CARMIL3: variants seen among roughly 807,000 people sequenced by gnomAD.
CARMIL3 encodes the protein capping protein, Arp2/3 and myosin-I linker protein 3.
A neutral mutation model predicts 180.8 loss-of-function variants in CARMIL3; 88 were observed. That is an observed-to-expected ratio of 0.49 (90% CI 0.41 to 0.58). The LOEUF is 0.58. Among genes scored for constraint, CARMIL3 ranks in the 20% least tolerant of loss-of-function variants. The probability of loss-of-function intolerance (pLI) is 0.00; values close to 1 mark genes in which losing one functional copy is unlikely to be tolerated. For missense variants in CARMIL3, 1,548 were observed against 1,787.0 expected (o/e 0.87, Z 2.41); for synonymous variants, 696 against 714.5 (o/e 0.97, Z 0.41).
rs2035736808 is a variant in CARMIL3 at position 24,061,885 on chromosome 14, G to C, written c.2480+213G>C. On this transcript the variant is annotated intron_variant, in intron 27 of 39. Coordinates refer to ENST00000342740, the MANE Select transcript of CARMIL3 (RefSeq NM_138360.4). This position sits in a 1 kb window ranked among gnomAD's most constrained non-coding sequence, Gnocchi z 4.1. ...GAGCTGGGGTTTAGGAGCCAAGTTT[G>C]TGCCCACACAGGTGTACACACACAT... The C allele has an allele frequency of 1.7e-6, 1 of 582,882 alleles. No individual in the cohort carries two copies. The highest frequency in any genetic ancestry group is 1.9e-5 in the African/African-American group (1 of 53,288). 36.1% of individuals were successfully genotyped at this position (582,882 alleles called of 1,614,324 possible). A position where few individuals can be genotyped will look rare whatever the true frequency, so the allele number is the denominator to read the frequency against.
chr14:24,059,003 A>G lies in CARMIL3; in HGVS notation c.1571+17A>G. The stretch of plus-strand genomic sequence containing the variant: ...CAAGGCCAAGTGAGGCCCCCTTTCC[A>G]TGCCCACAGACCCTCATCCCATCAT... On this transcript the variant is annotated intron_variant, in intron 19 of 39. Transcript: ENST00000342740. The surrounding 1 kb of genome is among the most constrained non-coding windows in gnomAD (Gnocchi z 6.3). 1 of 1,613,290 alleles carries G rather than the reference A, an allele frequency of 6.2e-7. No homozygotes were observed. Among genetic ancestry groups the G allele is most frequent in the South Asian group, 1.1e-5 (1 of 90,964 alleles).
intron 24 of CARMIL3, 63 bp downstream of exon 24, chr14:24,060,318 T>C: frequency 6.4e-7 from 1 of 1,567,902 alleles, no homozygotes; most frequent in Non-Finnish European, 8.8e-7. Flanking sequence ...TGTGATGTGA[T>C]GGAAAATTGA....
chr14:24,056,796 C>T, intron 12 of CARMIL3, 88 bp downstream of exon 12: 1 of 1,514,880 alleles, frequency 6.6e-7, no homozygotes, highest in Non-Finnish European at 9.1e-7. Context: ...CACATTCACA[C>T]ACCACCTCAG....
intron 36 of CARMIL3, 59 bp downstream of exon 36, chr14:24,066,715 C>A: frequency 2.5e-6 from 4 of 1,571,738 alleles, no homozygotes; most frequent in Non-Finnish European, 3.5e-6. Context: ...TCCAAAGAAA[C>A]AGAAGCCCAT....
intron 27 of CARMIL3, 49 bp from the exon 28 acceptor site, chr14:24,062,431 C>A: frequency 6.6e-7 from 1 of 1,519,468 alleles, no homozygotes; most frequent in Non-Finnish European, 9.1e-7. Flanking sequence ...AGGGGCCATG[C>A]GGGGGACTGA....
In CARMIL3 at chr14:24,065,177, C is replaced by T. The variant is rs753535704; in HGVS notation, c.3300C>T (p.Leu1100=). Residue 1100 remains leucine (L), a synonymous_variant, in exon 33 of 40, where the codon CTC becomes CTT. Transcript: ENST00000342740. Reference sequence around the variant, plus strand: ...CCCCTAGCCCAGACCCCCCAAGCCTCGGCAATAACTCCTCTCCCTGCTGGA... The same window carrying T: ...CCCCTAGCCCAGACCCCCCAAGCCTTGGCAATAACTCCTCTCCCTGCTGGA... The part of the protein sequence containing the change: ...ESPPSPDPPS[L]GNNSSPCWSP... 6 of 1,523,218 alleles carry T rather than the reference C, an allele frequency of 3.9e-6. No individual in the cohort carries two copies. Among genetic ancestry groups the T allele is most frequent in the South Asian group, 1.3e-5 (1 of 75,850 alleles). 94.4% of individuals were successfully genotyped at this position (1,523,218 alleles called of 1,614,324 possible).
chr14:24,058,353 C>A lies in CARMIL3; in HGVS notation c.1392+129C>A. The A allele has an allele frequency of 1.1e-6, 1 of 933,290 alleles. No homozygotes were observed. Among genetic ancestry groups the A allele is most frequent in the Non-Finnish European group, 1.6e-6 (1 of 616,072 alleles). 57.8% of individuals were successfully genotyped at this position (933,290 alleles called of 1,614,324 possible). On this transcript the variant is annotated intron_variant, in intron 17 of 39. Transcript: ENST00000342740. The surrounding 1 kb of genome is among the most constrained non-coding windows in gnomAD (Gnocchi z 6.4). Reference sequence around the variant, plus strand: ...CGACCCCCTGACCTGGCCACACCACCACTTTCCCCTCTCAGTCTGGCCTCT... The same window carrying A: ...CGACCCCCTGACCTGGCCACACCACAACTTTCCCCTCTCAGTCTGGCCTCT...
chr14:24,053,929 GGGA>G, intron 2 of CARMIL3, 126 bp downstream of exon 2: 2 of 1,151,688 alleles, frequency 1.7e-6, no homozygotes, highest in Non-Finnish European at 2.5e-6. Flanking sequence ...AAAACCTGGG[GGGA>G]GGAGGCAGGG....
At chr14:24,065,584 G>A (rs372482556) in intron 33 of CARMIL3, 38 bp from the exon 34 acceptor site, 49 of 1,572,072 alleles carry the variant, frequency 3.1e-5, no homozygotes, top group South Asian at 9.4e-5. Flanking sequence ...AGCCCCCTTC[G>A]ACTGGGAACT....
chr14:24,054,827 G>A lies in CARMIL3; in HGVS notation c.460+19G>A, dbSNP rs368500056. On this transcript the variant is annotated intron_variant, in intron 6 of 39. Coordinates refer to ENST00000342740, the MANE Select transcript of CARMIL3 (RefSeq NM_138360.4). The surrounding 1 kb of genome is among the most constrained non-coding windows in gnomAD (Gnocchi z 5.1). ...GTCTGCGGTGAGCAGGGGCAGATGT[G>A]AGGAAAGTAGGCGCTCCACCATCTT... 1 of 1,605,892 alleles carries A rather than the reference G, an allele frequency of 6.2e-7. No homozygotes were observed. The highest frequency in any genetic ancestry group is 8.5e-7 in the Non-Finnish European group (1 of 1,173,456).
At chr14:24,052,661 G>C (rs1321336825) in intron 1 of CARMIL3, among the ~76,000 whole-genome samples, 1 of 152,232 alleles carries the variant, frequency 6.6e-6, no homozygotes, top group East Asian at 1.9e-4. Context: ...AGCCCCTTAG[G>C]AGCTGGGCAG....
At position 24,069,097 on chromosome 14, in the gene CARMIL3, C is replaced by T. The variant is rs746784675; in HGVS notation, c.3983-40C>T. 2.5e-5 allele frequency: 41 copies of T among 1,609,598 alleles called. No homozygotes were observed. In the Admixed American group the frequency reaches 4.7e-4, roughly 18 times the overall value. On this transcript the variant is annotated intron_variant, in intron 38 of 39. Transcript: ENST00000342740. ...GCCTGGATGAGCATCCCAGCATGAGCCCCACTCCTGTGTTAGGCCTGCCTT... is the reference window on the plus strand; with the variant it reads ...GCCTGGATGAGCATCCCAGCATGAGTCCCACTCCTGTGTTAGGCCTGCCTT...
chr14:24,065,813 T>C, intron 34 of CARMIL3, 63 bp downstream of exon 34: 1 of 1,576,808 alleles, frequency 6.3e-7, no homozygotes, highest in Non-Finnish European at 8.6e-7. Flanking sequence ...ACCCTCTCCT[T>C]CCCACTCCCT....
intron 28 of CARMIL3, 28 bp downstream of exon 28, chr14:24,062,595 G>T: frequency 6.2e-7 from 1 of 1,613,654 alleles, no homozygotes; most frequent in African/African-American, 1.3e-5. Context: ...GCCTGGCCTG[G>T]CTCGGGCACG....
chr14:24,057,940 C>A lies in CARMIL3; in HGVS notation c.1218-20C>A, dbSNP rs2035689186. On this transcript the variant is annotated intron_variant, in intron 15 of 39. Coordinates refer to ENST00000342740, the MANE Select transcript of CARMIL3 (RefSeq NM_138360.4). ...CATGGCCAACCCCCTCCCTCGCTGA[C>A]CCCAGGGGTCTCTCCACAGGAAGGG... 2.5e-6 allele frequency: 4 copies of A among 1,613,366 alleles called. No homozygotes were observed. The East Asian group carries it at 8.9e-5, about 36-fold the overall frequency.
In CARMIL3 at chr14:24,054,738, C is replaced by T. The variant is rs1283792246; in HGVS notation, c.390C>T (p.Asp130=). 2 of 1,613,948 alleles carry T rather than the reference C, an allele frequency of 1.2e-6. No homozygotes were observed. The highest frequency in any genetic ancestry group is 1.7e-6 in the Non-Finnish European group (2 of 1,180,002). Residue 130 remains aspartate, a synonymous_variant, in exon 6 of 40, where the codon GAC becomes GAT. Coordinates refer to ENST00000342740, the MANE Select transcript of CARMIL3 (RefSeq NM_138360.4). This position sits in a 1 kb window ranked among gnomAD's most constrained non-coding sequence, Gnocchi z 5.1. The stretch of plus-strand genomic sequence containing the variant: ...GTTTGATCCGGCGTGGAAACGCAGA[C>T]ACCCCAGAGGGGCCCCGAGATACAT... ...PGCLIRRGNA[D]TPEGPRDTSP...
At chr14:24,056,586 C>A in intron 11 of CARMIL3, 36 bp from the exon 12 acceptor site, 3 of 1,605,612 alleles carry the variant, frequency 1.9e-6, no homozygotes, top group South Asian at 2.2e-5. Context: ...CACTGCCCTG[C>A]CCCTCACTGG....
intron 1 of CARMIL3, 37 bp downstream of exon 1, chr14:24,052,230 G>T: frequency 6.4e-7 from 1 of 1,557,712 alleles, no homozygotes; most frequent in Non-Finnish European, 8.6e-7. Context: ...CGCCCCGTCC[G>T]GGAGCATCCC....
Position 24,058,835 on chromosome 14 carries a change from G to A in CARMIL3, c.1475-55G>A, listed in dbSNP as rs2035701002. The A allele has an allele frequency of 1.9e-6, 3 of 1,612,488 alleles. No individual in the cohort carries two copies. Among genetic ancestry groups the A allele is most frequent in the African/African-American group, 2.7e-5 (2 of 74,864 alleles). On this transcript the variant is annotated intron_variant, in intron 18 of 39. Transcript: ENST00000342740. This position sits in a 1 kb window ranked among gnomAD's most constrained non-coding sequence, Gnocchi z 6.4. The stretch of plus-strand genomic sequence containing the variant: ...TGGAGCATGCAGAAGCAGCCCTGAT[G>A]GGACACCAGTCAGCCTCAGGCCTCC...
Sources: gnomAD v4.1 joint callset for allele counts (sites outside exome capture counted in the v4.1 genomes callset) on GRCh38, gnomAD v4.1.1 for gene constraint, Gnocchi (gnomAD v3.1) non-coding constraint, MANE v1.5 for transcripts, NCBI Gene and HGNC (gene_info 2026-07-23, HGNC 2026-07-21) for gene names.